ZNF536: variants seen among roughly 807,000 people sequenced by gnomAD.
ZNF536 encodes zinc finger protein 536.
A neutral mutation model predicts 84.5 loss-of-function variants in ZNF536; 13 were observed. The observed-to-expected ratio is 0.15, with a 90% confidence interval of 0.10 to 0.24. The LOEUF (loss-of-function observed/expected upper bound fraction) is 0.24. Among genes scored for constraint, ZNF536 ranks in the 10% least tolerant of loss-of-function variants. The pLI, the probability that ZNF536 is intolerant of heterozygous loss-of-function variation, is 1.00. For missense variants in ZNF536, 1,536 were observed against 1,747.5 expected (o/e 0.88, Z 2.16); for synonymous variants, 811 against 742.5 (o/e 1.09, Z -1.50).
At chr19:30,471,348 A>T (rs1365189332) in intron 2 of ZNF536, among the ~76,000 whole-genome samples, 3 of 152,222 alleles carry the variant, frequency 2.0e-5, no homozygotes, top group Non-Finnish European at 4.4e-5. Context: ...GGACAAGCTA[A>T]ATAATTTATA....
At chr19:30,234,773 A>G (rs3081817) in intron 1 of ZNF536, among the ~76,000 whole-genome samples, 96,233 of 149,916 alleles carry the variant, frequency 0.64, 30,703 homozygotes, top group Admixed American at 0.7. Context: ...ACACACACAC[A>G]CGCGCACACG....
At chr19:30,436,832 A>G (rs781395584) in intron 1 of ZNF536, among the ~76,000 whole-genome samples, 7 of 152,294 alleles carry the variant, frequency 4.6e-5, no homozygotes, top group Admixed American at 1.3e-4. Context: ...AGTGCATGTT[A>G]TGAGAAGATT....
At chr19:30,644,541 G>C (rs1457683231) in intron 1 of ZNF536, among the ~76,000 whole-genome samples, 1 of 151,954 alleles carries the variant, frequency 6.6e-6, no homozygotes, top group East Asian at 1.9e-4. Flanking sequence ...AACAGGCCTC[G>C]GTGTGTGATG....
intron 1 of ZNF536, among the ~76,000 whole-genome samples, chr19:30,602,110 A>G (rs1192185817): frequency 6.6e-6 from 1 of 152,184 alleles, no homozygotes; most frequent in African/African-American, 2.4e-5. Context: ...GTATCAAAAA[A>G]CGAATTAGGG....
intron 1 of ZNF536, among the ~76,000 whole-genome samples, chr19:30,616,731 A>G (rs1322701516): frequency 2.0e-5 from 3 of 152,192 alleles, no homozygotes; most frequent in Non-Finnish European, 4.4e-5. Context: ...CATGGGTGTC[A>G]TCTGTCTTGA....
intron 2 of ZNF536, among the ~76,000 whole-genome samples, chr19:30,458,944 C>T (rs2053003250): frequency 6.6e-6 from 1 of 152,212 alleles, no homozygotes; most frequent in South Asian, 2.1e-4. Flanking sequence ...CTGCTTTACC[C>T]AGCACGTCTG....
rs187493878 is a variant in ZNF536, at chr19:30,252,525, C to T, written c.-190+23852C>T. 2.0e-5 allele frequency among the ~76,000 whole-genome samples: 3 copies of T among 152,232 alleles called. No homozygotes were observed. The East Asian group carries it at 5.8e-4, about 29-fold the overall frequency. Reference sequence around the variant, plus strand: ...CAGCATTCCTGTGATGCGAATGGACCCTGGGTCTTTTACTGTGTTTTCTGC... The same window carrying T: ...CAGCATTCCTGTGATGCGAATGGACTCTGGGTCTTTTACTGTGTTTTCTGC... On this transcript the variant is annotated intron_variant, in intron 1 of 5. Coordinates refer to the ZNF536 transcript ENST00000585628.
chr19:30,304,863 G>A (rs1157928099), intron 2 of ZNF536, among the ~76,000 whole-genome samples: 1 of 152,234 alleles, frequency 6.6e-6, no homozygotes, highest in African/African-American at 2.4e-5. Context: ...AAGTTCTCAT[G>A]ATTGGGCTGG....
At chr19:30,474,374 C>T (rs1411778992) in intron 2 of ZNF536, among the ~76,000 whole-genome samples, 2 of 152,018 alleles carry the variant, frequency 1.3e-5, no homozygotes, top group Non-Finnish European at 2.9e-5. Context: ...TATAGCATGG[C>T]TACCCTGTGA....
At chr19:30,359,353 T>A (rs2048198209) in intron 3 of ZNF536, among the ~76,000 whole-genome samples, 1 of 151,630 alleles carries the variant, frequency 6.6e-6, no homozygotes, top group African/African-American at 2.4e-5. Flanking sequence ...TGGTCTGGAG[T>A]GTATGAGGTG....
intron 1 of ZNF536, among the ~76,000 whole-genome samples, chr19:30,574,317 G>T (rs1397840687): frequency 6.6e-6 from 1 of 152,218 alleles, no homozygotes. Flanking sequence ...ACTGGGGGAA[G>T]AGACCCTTCA....
intron 1 of ZNF536, among the ~76,000 whole-genome samples, chr19:30,387,291 C>T (rs10426332): frequency 0.025 from 3,856 of 152,286 alleles, 172 homozygotes; most frequent in African/African-American, 0.086. Context: ...ACAGAGCTGT[C>T]GCTGGTTGCA....
chr19:30,590,109 G>C (rs1254542206), intron 1 of ZNF536, among the ~76,000 whole-genome samples: 1 of 152,192 alleles, frequency 6.6e-6, no homozygotes, highest in Non-Finnish European at 1.5e-5. Flanking sequence ...CTTCTCTCCA[G>C]CAGGCCTGGG....
intron 2 of ZNF536, among the ~76,000 whole-genome samples, chr19:30,530,561 C>T (rs1288559635): frequency 1.3e-5 from 2 of 152,084 alleles, no homozygotes; most frequent in Non-Finnish European, 2.9e-5. Flanking sequence ...TGGCCAGGCT[C>T]GTCTCAAACT....
intron 1 of ZNF536, among the ~76,000 whole-genome samples, chr19:30,645,496 G>C (rs906471583): frequency 6.6e-6 from 1 of 152,082 alleles, no homozygotes; most frequent in Non-Finnish European, 1.5e-5. Flanking sequence ...GACTATTATA[G>C]GACACTCCTG....
intron 1 of ZNF536, among the ~76,000 whole-genome samples, chr19:30,419,844 G>A (rs572366850): frequency 1.3e-4 from 20 of 152,244 alleles, no homozygotes; most frequent in African/African-American, 3.9e-4. Context: ...TCTGCTCCAC[G>A]GCATCCTTTC....
At chr19:30,434,021 A>C (rs538436765) in intron 1 of ZNF536, among the ~76,000 whole-genome samples, 2 of 152,328 alleles carry the variant, frequency 1.3e-5, no homozygotes, top group East Asian at 3.9e-4. Flanking sequence ...AGGACAGCCT[A>C]TCAGTCTGTT....
intron 1 of ZNF536, among the ~76,000 whole-genome samples, chr19:30,689,190 C>T (rs2051312243): frequency 6.6e-6 from 1 of 152,228 alleles, no homozygotes; most frequent in Admixed American, 6.5e-5. Flanking sequence ...AGCTGTCTGC[C>T]TCCAAAGCTG....
At chr19:30,705,460 T>TAAG (rs2052186703) in intron 1 of ZNF536, among the ~76,000 whole-genome samples, 4 of 152,312 alleles carry the variant, frequency 2.6e-5, no homozygotes, top group African/African-American at 9.6e-5. Context: ...GTCTTTGTAA[T>TAAG]AAGTTTAGAG....
Sources: gnomAD v4.1 joint callset for allele counts (sites outside exome capture counted in the v4.1 genomes callset) on GRCh38, gnomAD v4.1.1 for gene constraint, MANE v1.5 for transcripts, NCBI Gene and HGNC (gene_info 2026-07-23, HGNC 2026-07-21) for gene names.